GPD2: variants seen among roughly 807,000 people sequenced by gnomAD.
GPD2 encodes glycerol-3-phosphate dehydrogenase, mitochondrial.
In GPD2, 54 loss-of-function variants were observed where a neutral mutation model predicts 82.4. The ratio of observed to expected loss-of-function variants is 0.66; its 90% CI spans 0.53 to 0.82. GPD2 has a LOEUF of 0.82. GPD2 is among the 40% of genes least tolerant of loss of function. The probability of loss-of-function intolerance (pLI) is 0.00; values close to 1 mark genes in which losing one functional copy is unlikely to be tolerated. For synonymous variants in GPD2, 288 were observed against 306.1 expected (o/e 0.94, Z 0.62); for missense variants, 748 against 896.2 (o/e 0.83, Z 2.11).
intron 9 of GPD2, among the ~76,000 whole-genome samples, chr2:156,562,955 C>T (rs1687230009): frequency 6.6e-6 from 1 of 152,122 alleles, no homozygotes; most frequent in South Asian, 2.1e-4. Flanking sequence ...ACTGGGTGCC[C>T]TCTAGGTGAG....
At chr2:156,515,434 C>T (rs1685166268) in intron 6 of GPD2, among the ~76,000 whole-genome samples, 1 of 151,292 alleles carries the variant, frequency 6.6e-6, no homozygotes, top group South Asian at 2.1e-4. Flanking sequence ...GAATTTGTGA[C>T]ATCCTGTTTT....
chr2:156,489,666 A>T (rs1684076193), intron 2 of GPD2, among the ~76,000 whole-genome samples: 1 of 151,844 alleles, frequency 6.6e-6, no homozygotes, highest in Non-Finnish European at 1.5e-5. Flanking sequence ...TTTCCTCAGG[A>T]CATAGAGTTT....
At chr2:156,481,814 A>G (rs1683744281) in intron 2 of GPD2, among the ~76,000 whole-genome samples, 1 of 152,148 alleles carries the variant, frequency 6.6e-6, no homozygotes, top group Non-Finnish European at 1.5e-5. Context: ...ATAGTATTCC[A>G]TCATGTATAC....
chr2:156,515,296 G>T (rs1248042414), intron 6 of GPD2, among the ~76,000 whole-genome samples: 2 of 151,756 alleles, frequency 1.3e-5, no homozygotes, highest in Non-Finnish European at 2.9e-5. Context: ...CAGCTACTTG[G>T]GGGGCTGAGG....
At chr2:156,547,826 C>T (rs140418180) in intron 6 of GPD2, among the ~76,000 whole-genome samples, 41 of 152,270 alleles carry the variant, frequency 2.7e-4, no homozygotes, top group African/African-American at 9.6e-4. Flanking sequence ...GAATGTATAA[C>T]TGTTTTCTAA....
At chr2:156,509,675 T>C (rs965952253) in intron 3 of GPD2, among the ~76,000 whole-genome samples, 2 of 151,530 alleles carry the variant, frequency 1.3e-5, no homozygotes, top group African/African-American at 4.8e-5. Context: ...CCCTAGGAGA[T>C]CTATAACAGC....
At chr2:156,422,478 C>T in the GPD2 span, among the ~76,000 whole-genome samples, 5 of 151,932 alleles carry the variant, frequency 3.3e-5, no homozygotes, top group Non-Finnish European at 5.9e-5. Flanking sequence ...CTCCTGTAAT[C>T]CCAGCACTTT....
chr2:156,547,993 A>C lies in GPD2; in HGVS notation c.662-1615A>C, dbSNP rs1686613557. 2.0e-5 allele frequency among the ~76,000 whole-genome samples: 3 copies of C among 152,222 alleles called. No individual in the cohort carries two copies. In the South Asian group the frequency reaches 6.2e-4, roughly 32 times the overall value. ...CTCTAAGCCTATGGTAAGAGCAAGC[A>C]TGACTTGGATTTCTTGTACTACCAG... On this transcript the variant is annotated intron_variant, in intron 6 of 16. Transcript: ENST00000438166.
At chr2:156,504,220 A>G (rs76408393) in intron 3 of GPD2, among the ~76,000 whole-genome samples, 3,849 of 152,250 alleles carry the variant, frequency 0.025, 145 homozygotes, top group African/African-American at 0.081. Flanking sequence ...CGTGAGGATT[A>G]ACAAGTCAGG....
chr2:156,547,085 G>A (rs999003172), intron 6 of GPD2, among the ~76,000 whole-genome samples: 3 of 152,180 alleles, frequency 2.0e-5, no homozygotes, highest in African/African-American at 7.2e-5. Context: ...TAAGTTTCAC[G>A]AAGGTAGAGA....
intron 8 of GPD2, among the ~76,000 whole-genome samples, chr2:156,552,836 T>G (rs1686810073): frequency 6.6e-6 from 1 of 152,068 alleles, no homozygotes; most frequent in Admixed American, 6.6e-5. Context: ...GTTCATCACT[T>G]TTCCTTGGGC....
At position 156,529,938 on chromosome 2, in the gene GPD2, A is replaced by G. The variant is rs530822530; in HGVS notation, c.661+16442A>G. Reference sequence around the variant, plus strand: ...GCGATGTGGGCTCTTTTTTGGTTCCATATGAACTTTAAAGTACTATTTTCC... The same window carrying G: ...GCGATGTGGGCTCTTTTTTGGTTCCGTATGAACTTTAAAGTACTATTTTCC... On this transcript the variant is annotated intron_variant, in intron 6 of 16. Transcript: ENST00000438166. Among the ~76,000 whole-genome samples the G allele has an allele frequency of 9.0e-3, 1,375 of 152,152 alleles. 24 individuals are homozygous for G. Among genetic ancestry groups the G allele is most frequent in the African/African-American group, 0.031 (1,290 of 41,466 alleles).
the GPD2 span, among the ~76,000 whole-genome samples, chr2:156,412,375 G>A: frequency 1.3e-5 from 2 of 151,308 alleles, no homozygotes; most frequent in South Asian, 4.2e-4. Flanking sequence ...GGAGGCGGAG[G>A]TTGCAGTGAG....
intron 6 of GPD2, among the ~76,000 whole-genome samples, chr2:156,541,807 C>T (rs755394616): frequency 8.8e-5 from 12 of 136,028 alleles, no homozygotes; most frequent in Non-Finnish European, 1.5e-4. Flanking sequence ...CTTCCTTAAA[C>T]GTATAAAATG....
rs144525999 is a variant in GPD2, at chr2:156,455,005, A to G, written c.-9+18492A>G. Among the ~76,000 whole-genome samples, 1,117 of 152,046 alleles carry G rather than the reference A, an allele frequency of 7.3e-3. 13 individuals carry two copies. The highest frequency in any genetic ancestry group is 0.026 in the African/African-American group (1,062 of 41,454). The stretch of plus-strand genomic sequence containing the variant: ...CTCTTAGGGCCTCTTCTCAGCCATG[A>G]TGGTGGTGTAACCCTGGGGGAGAGG... On this transcript the variant is annotated intron_variant, in intron 1 of 16. Coordinates refer to ENST00000438166, the MANE Select transcript of GPD2 (RefSeq NM_000408.5).
chr2:156,495,924 T>C, intron 2 of GPD2, 120 bp from the exon 3 acceptor site: 1 of 736,642 alleles, frequency 1.4e-6, no homozygotes. Flanking sequence ...ATGTGGACTG[T>C]GGACTCTCTT....
intron 9 of GPD2, 56 bp downstream of exon 9, chr2:156,557,638 C>A (rs762861217): frequency 8.6e-6 from 8 of 931,372 alleles, no homozygotes; most frequent in Non-Finnish European, 1.4e-5. Flanking sequence ...CCAAGCCATT[C>A]CAGCTCTCAC....
chr2:156,415,583 C>T, the GPD2 span, among the ~76,000 whole-genome samples: 1 of 151,910 alleles, frequency 6.6e-6, no homozygotes, highest in Non-Finnish European at 1.5e-5. Context: ...GGGCCAGGCA[C>T]TGTGGCTCAT....
chr2:156,512,731 G>A (rs1685047783), intron 5 of GPD2, among the ~76,000 whole-genome samples: 1 of 151,934 alleles, frequency 6.6e-6, no homozygotes, highest in African/African-American at 2.4e-5. Flanking sequence ...CATGTTACGT[G>A]TCTGAGTTAA....
Sources: allele counts gnomAD v4.1 joint callset (sites outside exome capture counted in the v4.1 genomes callset), GRCh38; gene constraint gnomAD v4.1.1; transcripts MANE v1.5; gene names NCBI Gene and HGNC (gene_info 2026-07-23, HGNC 2026-07-21).